Variants in MACROD2 observed in about 807,000 individuals in gnomAD.
MACROD2 encodes ADP-ribose glycohydrolase MACROD2.
MACROD2 carries 36 observed loss-of-function variants against 70.4 expected under a neutral mutation model. The observed-to-expected ratio is 0.51, with a 90% CI of 0.39 to 0.68. The LOEUF (loss-of-function observed/expected upper bound fraction) is 0.68. MACROD2 is among the 30% of genes least tolerant of loss of function. The pLI is 0.00. For missense variants in MACROD2, 496 were observed against 538.4 expected (o/e 0.92, Z 0.78); for synonymous variants, 172 against 178.8 (o/e 0.96, Z 0.30).
At chr20:15,178,930 G>A (rs1262667491) in intron 5 of MACROD2, among the ~76,000 whole-genome samples, 5 of 152,184 alleles carry the variant, frequency 3.3e-5, no homozygotes, top group Non-Finnish European at 7.3e-5. Context: ...AGAAGAGGAT[G>A]GAAGAGAAGA....
At chr20:15,497,754 T>G (rs1333583449) in intron 7 of MACROD2, among the ~76,000 whole-genome samples, 2 of 152,188 alleles carry the variant, frequency 1.3e-5, no homozygotes, top group Non-Finnish European at 2.9e-5. Flanking sequence ...AAATATTCTA[T>G]TATTTCCTGC....
chr20:14,777,747 A>G (rs1439274041), intron 5 of MACROD2, among the ~76,000 whole-genome samples: 1 of 152,120 alleles, frequency 6.6e-6, no homozygotes, highest in African/African-American at 2.4e-5. Flanking sequence ...CTTGTTTGAA[A>G]TTGTAGAAGT....
chr20:14,793,353 A>G lies in MACROD2; in HGVS notation c.418+108394A>G, dbSNP rs2072472551. Among the ~76,000 whole-genome samples the G allele has an allele frequency of 1.3e-5, 2 of 152,044 alleles. 1 individual carries two copies. Among genetic ancestry groups the G allele is most frequent in the South Asian group, 4.1e-4 (2 of 4,826 alleles). ...GGACTGTGTCCTCAAAGGAGTGTAC[A>G]TTTTGTTGGTGTAATTTATGAGATG... On this transcript the variant is annotated intron_variant, in intron 5 of 17. Transcript: ENST00000684519.
intron 6 of MACROD2, among the ~76,000 whole-genome samples, chr20:15,238,984 T>C (rs1432038925): frequency 1.3e-5 from 2 of 152,190 alleles, no homozygotes; most frequent in Non-Finnish European, 2.9e-5. Context: ...TCTTGAGTGC[T>C]TTATTTTTCC....
intron 3 of MACROD2, among the ~76,000 whole-genome samples, chr20:14,191,742 C>G (rs1307150207): frequency 6.6e-6 from 1 of 152,188 alleles, no homozygotes; most frequent in Non-Finnish European, 1.5e-5. Context: ...ACTGCAAGTA[C>G]AAAGTCTCTG....
At chr20:14,877,647 G>T (rs1568849813) in intron 5 of MACROD2, among the ~76,000 whole-genome samples, 1 of 151,496 alleles carries the variant, frequency 6.6e-6, no homozygotes, top group East Asian at 1.9e-4. Flanking sequence ...GTTTCTTGAG[G>T]TTTTTTTGTT....
chr20:14,224,827 T>A (rs1187048909), intron 3 of MACROD2, among the ~76,000 whole-genome samples: 2 of 152,208 alleles, frequency 1.3e-5, no homozygotes, highest in Non-Finnish European at 2.9e-5. Flanking sequence ...ATGACTTTTA[T>A]TCTCAGAGGC....
chr20:14,463,995 C>A (rs1294859005), intron 3 of MACROD2, among the ~76,000 whole-genome samples: 2 of 151,794 alleles, frequency 1.3e-5, no homozygotes, highest in East Asian at 3.9e-4. Context: ...CTAAAATTCT[C>A]TTTTTTTGTT....
intron 3 of MACROD2, among the ~76,000 whole-genome samples, chr20:14,457,655 C>T (rs1181637634): frequency 6.6e-6 from 1 of 152,076 alleles, no homozygotes; most frequent in Non-Finnish European, 1.5e-5. Flanking sequence ...TGAGAAGATC[C>T]AGGATGTCAT....
intron 3 of MACROD2, among the ~76,000 whole-genome samples, chr20:14,411,250 A>T (rs75892339): frequency 0.02 from 3,101 of 152,112 alleles, 133 homozygotes; most frequent in African/African-American, 0.071. Context: ...CTTAAGGGTT[A>T]AAAAAAGAGA....
At chr20:14,255,428 G>A (rs946175963) in intron 3 of MACROD2, among the ~76,000 whole-genome samples, 25 of 151,770 alleles carry the variant, frequency 1.6e-4, no homozygotes, top group East Asian at 1.4e-3. Flanking sequence ...GCAAACTATC[G>A]CAGGGACAAA....
Position 14,223,168 on chromosome 20 carries a change from A to C in MACROD2, c.271+137440A>C, listed in dbSNP as rs577060350. 2.0e-5 allele frequency: 3 copies of C among 152,394 alleles called. No individual in the cohort carries two copies. The East Asian group carries it at 5.8e-4, about 29-fold the overall frequency. The allele number at this position is 152,394 out of a possible 1,614,324, so 9.4% of individuals were successfully genotyped here. Reference sequence around the variant, plus strand: ...GGTGTCCACACTGTTTGGCATCAATATACTGACCTCCCAGGAGTGGGGGAC... The same window carrying C: ...GGTGTCCACACTGTTTGGCATCAATCTACTGACCTCCCAGGAGTGGGGGAC... On this transcript the variant is annotated intron_variant, in intron 3 of 17. Coordinates refer to ENST00000684519, the MANE Select transcript of MACROD2 (RefSeq NM_001351661.2).
chr20:15,340,928 A>G (rs139667538), intron 6 of MACROD2, among the ~76,000 whole-genome samples: 3 of 152,258 alleles, frequency 2.0e-5, no homozygotes, highest in African/African-American at 7.2e-5. Flanking sequence ...GGCTCAAGCA[A>G]TCCTCCTGCC....
At position 15,386,039 on chromosome 20, in the gene MACROD2, C is replaced by T. The variant is rs993096141; in HGVS notation, c.541-45366C>T. Among the ~76,000 whole-genome samples, 13 of 152,174 alleles carry T rather than the reference C, an allele frequency of 8.5e-5. No homozygotes were observed. In the East Asian group the frequency reaches 2.1e-3, roughly 25 times the overall value. On this transcript the variant is annotated intron_variant, in intron 6 of 17. Coordinates refer to ENST00000684519, the MANE Select transcript of MACROD2 (RefSeq NM_001351661.2). ...CTCGGTTTCAGTCTCACATTGACAA[C>T]GATTAAGATGTTGAGATTCCAGAAG...
At chr20:14,197,884 T>C (rs971907691) in intron 3 of MACROD2, among the ~76,000 whole-genome samples, 14 of 152,198 alleles carry the variant, frequency 9.2e-5, no homozygotes, top group African/African-American at 3.4e-4. Flanking sequence ...TTTGTGTGCA[T>C]GTGTATAGCT....
At chr20:14,752,020 G>A (rs1286161596) in intron 5 of MACROD2, among the ~76,000 whole-genome samples, 1 of 150,658 alleles carries the variant, frequency 6.6e-6, no homozygotes, top group African/African-American at 2.5e-5. Context: ...CCCTCTGGCT[G>A]CCTTTGTTTA....
chr20:15,930,792 G>T (rs1396696369), intron 10 of MACROD2, among the ~76,000 whole-genome samples: 4 of 152,172 alleles, frequency 2.6e-5, no homozygotes, highest in Non-Finnish European at 5.9e-5. Flanking sequence ...TAGGTAAACT[G>T]CCAGACTGGT....
intron 8 of MACROD2, among the ~76,000 whole-genome samples, chr20:15,589,974 C>T (rs1452204706): frequency 2.0e-5 from 3 of 152,074 alleles, no homozygotes; most frequent in African/African-American, 7.2e-5. Flanking sequence ...AAAGGACTAA[C>T]ATCAACAGTT....
intron 5 of MACROD2, among the ~76,000 whole-genome samples, chr20:14,834,854 A>G (rs1600710147): frequency 6.6e-6 from 1 of 151,946 alleles, no homozygotes; most frequent in Non-Finnish European, 1.5e-5. Flanking sequence ...ATATGTGTGT[A>G]TATATATTTA....
Sources: gnomAD v4.1 joint callset for allele counts (sites outside exome capture counted in the v4.1 genomes callset) on GRCh38, gnomAD v4.1.1 for gene constraint, MANE v1.5 for transcripts, NCBI Gene and HGNC (gene_info 2026-07-23, HGNC 2026-07-21) for gene names.